The following HMCN2 variants were observed in gnomAD, a reference collection of about 807,000 sequenced individuals.
HMCN2 encodes hemicentin-2.
HMCN2 carries 325 observed loss-of-function variants against 377.5 expected under a neutral mutation model. The observed-to-expected ratio is 0.86, with a 90% CI of 0.79 to 0.94. HMCN2 has a LOEUF of 0.94. Among genes scored for constraint, HMCN2 ranks in the 40% least tolerant of loss-of-function variants. HMCN2 has a pLI of 0.00. For missense variants in HMCN2, 4,543 were observed against 4,725.3 expected (o/e 0.96, Z 1.13); for synonymous variants, 2,007 against 2,046.8 (o/e 0.98, Z 0.53).
At position 130,394,442 on chromosome 9, in the gene HMCN2, C is replaced by T. The variant is rs573922371; in HGVS notation, c.10559C>T (p.Ala3520Val). Residue 3520 changes from alanine to valine, a missense_variant, in exon 69 of 98, where the codon GCC becomes GTC. By Grantham distance (64) the Ala-to-Val change is moderately conservative. Around this residue, in one of 5 missense-constraint regions of HMCN2, gnomAD observed 1,073 missense variants for 1,319.5 expected, o/e 0.81. Coordinates refer to ENST00000683500, the MANE Select transcript of HMCN2 (RefSeq NM_001291815.2). This position sits in a 1 kb window ranked among gnomAD's most constrained non-coding sequence, Gnocchi z 5.1. ...QPTELSLTPG[A>V]PMELLCDAQG... ...ACAGAGCTGTCGCTGACCCCCGGCG[C>T]CCCCATGGAGCTCCTCTGTGATGCC... 1 of 1,289,704 alleles carries T rather than the reference C, an allele frequency of 7.8e-7. No individual in the cohort carries two copies. Among genetic ancestry groups the T allele is most frequent in the African/African-American group, 1.5e-5 (1 of 65,992 alleles). The allele number at this position is 1,289,704 out of a possible 1,614,324, so 79.9% of individuals were successfully genotyped here.
At position 130,302,847 on chromosome 9, in the gene HMCN2, C is replaced by G. The variant is rs1386270593; in HGVS notation, c.1277-10C>G. 1.1e-5 allele frequency: 5 copies of G among 458,686 alleles called. No homozygotes were observed. Among genetic ancestry groups the G allele is most frequent in the African/African-American group, 1.0e-4 (5 of 49,830 alleles). 28.4% of individuals were successfully genotyped at this position (458,686 alleles called of 1,614,324 possible). ...GGGGAGACATTCTGAGTCCTGGTCC[C>G]CGCCTACAGGCGCTCCCCTCGTCAG... On this transcript the variant is annotated splice_polypyrimidine_tract_variant and intron_variant, in intron 8 of 97. Transcript: ENST00000683500.
intron 22 of HMCN2, among the ~76,000 whole-genome samples, chr9:130,334,261 C>T (rs2131447746): frequency 6.6e-6 from 1 of 152,270 alleles, no homozygotes; most frequent in South Asian, 2.1e-4. Context: ...CGTAGGTCCA[C>T]ACAGGCCATA....
intron 23 of HMCN2, among the ~76,000 whole-genome samples, chr9:130,340,809 C>T (rs1186820448): frequency 1.3e-5 from 2 of 152,230 alleles, no homozygotes; most frequent in African/African-American, 4.8e-5. Flanking sequence ...TGAGCCACCG[C>T]TCCCAGCCCC....
chr9:130,385,445 G>A (rs955206780), intron 59 of HMCN2, 115 bp from the exon 60 acceptor site: 7 of 620,410 alleles, frequency 1.1e-5, no homozygotes, highest in African/African-American at 3.8e-5. Flanking sequence ...GCCAGCCCCC[G>A]GGGCTGGGTC....
intron 39 of HMCN2, 107 bp downstream of exon 39, chr9:130,362,272 C>T (rs1375144912): frequency 3.0e-5 from 23 of 765,512 alleles, no homozygotes; most frequent in Non-Finnish European, 3.5e-5. Flanking sequence ...GCAGCGATAG[C>T]CCAGGGCCGA....
rs531932196 is a variant in HMCN2 at position 130,362,883 on chromosome 9, G to A, written c.6125G>A (p.Arg2042Gln). Reference protein sequence around the residue: ...TPGLQVFPGGRVLTLASARAS... With the variant: ...TPGLQVFPGGQVLTLASARAS... ...GGGTCACAGGTCTTCCCTGGGGGCCGGGTCCTCACCTTGGCTAGTGCCCGG... is the reference window on the plus strand; with the variant it reads ...GGGTCACAGGTCTTCCCTGGGGGCCAGGTCCTCACCTTGGCTAGTGCCCGG... Residue 2042 changes from arginine to glutamine, a missense_variant, in exon 40 of 98, where the codon CGG becomes CAG. By Grantham distance (43) the Arg-to-Gln change is conservative. Transcript: ENST00000683500. The A allele has an allele frequency of 1.2e-5, 12 of 985,950 alleles. No individual in the cohort carries two copies. The South Asian group carries it at 1.9e-4, about 15-fold the overall frequency. 61.1% of individuals were successfully genotyped at this position (985,950 alleles called of 1,614,324 possible).
intron 1 of HMCN2, among the ~76,000 whole-genome samples, chr9:130,273,785 T>C (rs1263525437): frequency 1.3e-5 from 2 of 152,084 alleles, no homozygotes; most frequent in African/African-American, 4.8e-5. Flanking sequence ...GGCGTGCGCC[T>C]CCGCGCCCGG....
intron 1 of HMCN2, among the ~76,000 whole-genome samples, chr9:130,269,266 CTTT>C (rs56326154): frequency 0.26 from 30,853 of 116,554 alleles, 4,614 homozygotes; most frequent in South Asian, 0.32. Flanking sequence ...GCCCTGGTTC[CTTT>C]TTTTTTTTTT....
rs193120529 is a variant in HMCN2, at chr9:130,425,809, G to A, written c.13764G>A (p.Ala4588=). The change falls in exon 90 of 98, where the codon GCG becomes GCA. Residue 4588 remains alanine, a synonymous_variant. Transcript: ENST00000683500. Reference sequence around the variant, plus strand: ...GCAACCACAGCATCCAGTACAACGCGGCCCGGGGCCCCCAGCCCCAGCTGG... The same window carrying A: ...GCAACCACAGCATCCAGTACAACGCAGCCCGGGGCCCCCAGCCCCAGCTGG... ...LRCNHSIQYN[A]ARGPQPQLVQ... The A allele has an allele frequency of 3.5e-4, 539 of 1,550,532 alleles. 3 individuals carry two copies. The African/African-American group carries it at 4.5e-3, about 13-fold the overall frequency.
At chr9:130,300,185 A>G (rs987224494) in intron 8 of HMCN2, among the ~76,000 whole-genome samples, 21 of 151,462 alleles carry the variant, frequency 1.4e-4, no homozygotes, top group African/African-American at 5.1e-4. Context: ...TCATTCATCC[A>G]CTCACCCATC....
At chr9:130,398,459 T>G (rs1842715142) in intron 74 of HMCN2, 92 bp from the exon 75 acceptor site, 1 of 588,176 alleles carries the variant, frequency 1.7e-6, no homozygotes, top group Admixed American at 4.1e-5. Flanking sequence ...TGGAAGACAG[T>G]AGGCAGTGGC....
In HMCN2 at chr9:130,285,427, C is replaced by A. The variant is rs191815526; in HGVS notation, c.489+111C>A. 1,024 of 400,764 alleles carry A rather than the reference C, an allele frequency of 2.6e-3. 4 individuals carry two copies. Among genetic ancestry groups the A allele is most frequent in the Non-Finnish European group, 2.9e-3 (575 of 198,486 alleles). 24.8% of individuals were successfully genotyped at this position (400,764 alleles called of 1,614,324 possible). The stretch of plus-strand genomic sequence containing the variant: ...TCCTGGAGAGCAGAGCTGGGCACTT[C>A]TCTTCCACAGCCTTGGGTCCAGCCT... On this transcript the variant is annotated intron_variant, in intron 3 of 97. Transcript: ENST00000683500.
Position 130,384,511 on chromosome 9 carries a change from G to C in HMCN2, c.8969G>C (p.Gly2990Ala). Residue 2990 changes from glycine to alanine, a missense_variant, in exon 58 of 98, where the codon GGT becomes GCT. Gly to Ala is a moderately conservative substitution (Grantham distance 60). Coordinates refer to ENST00000683500, the MANE Select transcript of HMCN2 (RefSeq NM_001291815.2). ...AAGGACAGCCAGGCCCTCTCCCTGG[G>C]TGAAGAGGTCTTCCTCCTGCCTGGT... is the stretch of plus-strand genomic sequence containing the variant. ...WYKDSQALSL[G>A]EEVFLLPGTH... is the part of the protein sequence containing the mutation. 1 of 1,304,244 alleles carries C rather than the reference G, an allele frequency of 7.7e-7. No individual in the cohort carries two copies. The highest frequency in any genetic ancestry group is 1.0e-6 in the Non-Finnish European group (1 of 988,944). 80.8% of individuals were successfully genotyped at this position (1,304,244 alleles called of 1,614,324 possible).
intron 1 of HMCN2, among the ~76,000 whole-genome samples, chr9:130,279,779 T>C (rs1554925009): frequency 6.6e-6 from 1 of 152,216 alleles, no homozygotes; most frequent in African/African-American, 2.4e-5. Context: ...GATGTGCCTG[T>C]CCTAATGCAC....
In HMCN2 at chr9:130,382,887, G is replaced by C. The variant is rs187313053; in HGVS notation, c.8733+21G>C. On this transcript the variant is annotated intron_variant, in intron 56 of 97. Coordinates refer to ENST00000683500, the MANE Select transcript of HMCN2 (RefSeq NM_001291815.2). ...TGCAGGTCAGGGCAGCCCCCTGCAC[G>C]GGCTAGGGGCAGTGGCTGCTGAGGC... The C allele has an allele frequency of 3.6e-5, 35 of 985,066 alleles. 1 individual carries two copies. In the African/African-American group the frequency reaches 4.4e-4, roughly 12 times the overall value. 61.0% of individuals were successfully genotyped at this position (985,066 alleles called of 1,614,324 possible).
chr9:130,392,032 G>A lies in HMCN2; in HGVS notation c.10050G>A (p.Pro3350=), dbSNP rs952899174. Residue 3350 remains proline, a synonymous_variant, in exon 66 of 98, where the codon CCG becomes CCA. Coordinates refer to ENST00000683500, the MANE Select transcript of HMCN2 (RefSeq NM_001291815.2). ...VTMVCPVRGS[P]PIHVSWLKDG... is the part of the protein sequence containing the mutation. ...TGGTGTGCCCTGTGCGGGGCTCCCCGCCCATCCACGTGAGCTGGCTCAAGG... is the reference window on the plus strand; with the variant it reads ...TGGTGTGCCCTGTGCGGGGCTCCCCACCCATCCACGTGAGCTGGCTCAAGG... 6 of 988,354 alleles carry A rather than the reference G, an allele frequency of 6.1e-6. No individual in the cohort carries two copies. Among genetic ancestry groups the A allele is most frequent in the East Asian group, 1.1e-4 (1 of 8,792 alleles). The allele number at this position is 988,354 out of a possible 1,614,324, so 61.2% of individuals were successfully genotyped here.
rs962007738 is a variant in HMCN2 at position 130,394,948 on chromosome 9, C to T, written c.10693-79C>T. Reference sequence around the variant, plus strand: ...GGCTGAGTTTGAATCCTGGGTCCCTCGATGCATGAGAAAGAAACCAGATTG... The same window carrying T: ...GGCTGAGTTTGAATCCTGGGTCCCTTGATGCATGAGAAAGAAACCAGATTG... On this transcript the variant is annotated intron_variant, in intron 69 of 97. Coordinates refer to ENST00000683500, the MANE Select transcript of HMCN2 (RefSeq NM_001291815.2). The surrounding 1 kb of genome is among the most constrained non-coding windows in gnomAD (Gnocchi z 5.1). 1.5e-5 allele frequency: 14 copies of T among 951,416 alleles called. No individual in the cohort carries two copies. Among genetic ancestry groups the T allele is most frequent in the African/African-American group, 6.8e-5 (4 of 58,662 alleles). 58.9% of individuals were successfully genotyped at this position (951,416 alleles called of 1,614,324 possible).
intron 1 of HMCN2, among the ~76,000 whole-genome samples, chr9:130,277,354 C>G (rs1834750519): frequency 6.6e-6 from 1 of 152,240 alleles, no homozygotes; most frequent in African/African-American, 2.4e-5. Flanking sequence ...TGCCCACCCT[C>G]AGTCCTGAAT....
rs140919268 is a variant in HMCN2, at chr9:130,428,341, C to T, written c.14066-17C>T. On this transcript the variant is annotated splice_polypyrimidine_tract_variant and intron_variant, in intron 92 of 97. Coordinates refer to ENST00000683500, the MANE Select transcript of HMCN2 (RefSeq NM_001291815.2). This position sits in a 1 kb window ranked among gnomAD's most constrained non-coding sequence, Gnocchi z 5.0. ...GGGATCATGTTCACACAGCCGTCTG[C>T]CCTGATCTGCCCCCAGATGTGGACG... The T allele has an allele frequency of 4.7e-4, 727 of 1,538,980 alleles. 4 individuals are homozygous for T. In the African/African-American group the frequency reaches 8.6e-3, roughly 18 times the overall value.
Sources: gnomAD v4.1 joint callset for allele counts (sites outside exome capture counted in the v4.1 genomes callset) on GRCh38, gnomAD v4.1.1 for gene constraint, gnomAD v4.1.1 regional missense constraint, Gnocchi (gnomAD v3.1) non-coding constraint, MANE v1.5 for transcripts, NCBI Gene and HGNC (gene_info 2026-07-23, HGNC 2026-07-21) for gene names.